PTPN14: variants seen among roughly 807,000 people sequenced by gnomAD.
The protein encoded by PTPN14 is protein tyrosine phosphatase non-receptor type 14.
A neutral mutation model predicts 126.8 loss-of-function variants in PTPN14; 53 were observed. The observed-to-expected ratio is 0.42, with a 90% confidence interval of 0.34 to 0.53. The LOEUF (loss-of-function observed/expected upper bound fraction) is 0.53, where lower values mean the gene tolerates loss of function less well. Among genes scored for constraint, PTPN14 ranks in the 20% least tolerant of loss-of-function variants. The pLI is 0.08. For synonymous variants in PTPN14, 630 were observed against 599.3 expected (o/e 1.05, Z -0.75); for missense variants, 1,257 against 1,552.9 (o/e 0.81, Z 3.20).
chr1:214,503,050 A>T (rs1403985738), intron 1 of PTPN14, among the ~76,000 whole-genome samples: 1 of 152,212 alleles, frequency 6.6e-6, no homozygotes, highest in Non-Finnish European at 1.5e-5. Flanking sequence ...GATAAGATCC[A>T]ATTAAATGAG....
intron 1 of PTPN14, among the ~76,000 whole-genome samples, chr1:214,473,161 G>C (rs1660798449): frequency 6.6e-6 from 1 of 152,072 alleles, no homozygotes; most frequent in Non-Finnish European, 1.5e-5. Context: ...AAATTTCAAA[G>C]TTAAAAACAC....
intron 1 of PTPN14, among the ~76,000 whole-genome samples, chr1:214,522,792 C>A (rs1311655638): frequency 1.3e-5 from 2 of 152,102 alleles, no homozygotes; most frequent in Non-Finnish European, 2.9e-5. Flanking sequence ...AAAAGACAAC[C>A]AATTGTGAAA....
At chr1:214,494,281 C>G (rs1042499679) in intron 1 of PTPN14, among the ~76,000 whole-genome samples, 4 of 152,010 alleles carry the variant, frequency 2.6e-5, no homozygotes, top group Non-Finnish European at 4.4e-5. Flanking sequence ...GATGGTATCT[C>G]TCGATCTCCT....
chr1:214,497,121 G>T (rs1026193690), intron 1 of PTPN14, among the ~76,000 whole-genome samples: 2 of 151,776 alleles, frequency 1.3e-5, no homozygotes, highest in Admixed American at 6.6e-5. Flanking sequence ...GGGCAGCGGT[G>T]GGGGGTCGGG....
chr1:214,445,245 C>T (rs1298105673), intron 3 of PTPN14, among the ~76,000 whole-genome samples: 1 of 152,166 alleles, frequency 6.6e-6, no homozygotes, highest in Non-Finnish European at 1.5e-5. Flanking sequence ...TAGCATCCAC[C>T]AGATAGAGGG....
chr1:214,459,477 T>TTC (rs952014276), intron 2 of PTPN14, among the ~76,000 whole-genome samples: 6 of 147,274 alleles, frequency 4.1e-5, no homozygotes, highest in Non-Finnish European at 1.5e-5. Context: ...TCTTTCTTTT[T>TTC]TTTTTTTTTT....
intron 15 of PTPN14, among the ~76,000 whole-genome samples, chr1:214,373,850 C>T (rs1658279070): frequency 6.6e-6 from 1 of 152,176 alleles, no homozygotes; most frequent in Non-Finnish European, 1.5e-5. Context: ...CTCTTGTCAA[C>T]AGCATATATT....
rs1432584639 is a variant in PTPN14, at chr1:214,383,701, T to C, written c.2154A>G (p.Pro718=). 2.5e-6 allele frequency: 4 copies of C among 1,613,470 alleles called. No individual in the cohort carries two copies. The highest frequency in any genetic ancestry group is 3.4e-6 in the Non-Finnish European group (4 of 1,180,028). ...SESEEEEEEA[P]ESVPQIPMLR... ...GCATGGGGATCTGGGGCACCGATTC[T>C]GGAGCCTCCTCCTCCTCCTCCTCAC... The change falls in exon 13 of 19, where the codon CCA becomes CCG. Residue 718 remains proline, a synonymous_variant. Transcript: ENST00000366956. The surrounding 1 kb of genome is among the most constrained non-coding windows in gnomAD (Gnocchi z 4.4).
chr1:214,451,697 C>G, intron 3 of PTPN14, 108 bp downstream of exon 3: 1 of 1,308,320 alleles, frequency 7.6e-7, no homozygotes, highest in Admixed American at 2.4e-5. Context: ...CACCACACAC[C>G]CGCACCCACA....
chr1:214,485,903 T>C (rs918242511), intron 1 of PTPN14, among the ~76,000 whole-genome samples: 8 of 152,050 alleles, frequency 5.3e-5, no homozygotes, highest in Admixed American at 3.9e-4. Context: ...TTTTTTGTAT[T>C]TTTTAGTAGA....
intron 11 of PTPN14, 87 bp from the exon 12 acceptor site, chr1:214,387,009 C>A (rs974439896): frequency 4.0e-6 from 5 of 1,262,362 alleles, no homozygotes; most frequent in Admixed American, 2.0e-5. Flanking sequence ...ACGGCAGTCC[C>A]GCCACGTTGT....
chr1:214,432,569 C>T (rs1333943109), intron 3 of PTPN14, among the ~76,000 whole-genome samples: 1 of 152,176 alleles, frequency 6.6e-6, no homozygotes, highest in Non-Finnish European at 1.5e-5. Flanking sequence ...ATTCAAATGT[C>T]CTTTGTAGAA....
chr1:214,468,278 G>A (rs1432687044), intron 1 of PTPN14, among the ~76,000 whole-genome samples: 3 of 152,148 alleles, frequency 2.0e-5, no homozygotes, highest in African/African-American at 7.2e-5. Flanking sequence ...ACATACGGCT[G>A]GGTGCGGTGG....
At chr1:214,423,182 T>G (rs1357623881) in intron 3 of PTPN14, among the ~76,000 whole-genome samples, 1 of 151,898 alleles carries the variant, frequency 6.6e-6, no homozygotes, top group African/African-American at 2.4e-5. Context: ...CCAAACTAGC[T>G]GGACGTGATG....
intron 11 of PTPN14, among the ~76,000 whole-genome samples, chr1:214,389,210 G>A (rs1329116598): frequency 6.6e-6 from 1 of 152,158 alleles, no homozygotes; most frequent in African/African-American, 2.4e-5. Flanking sequence ...GGCAAAATTG[G>A]TTTACTGTGT....
At chr1:214,451,213 T>C (rs1572008429) in intron 3 of PTPN14, among the ~76,000 whole-genome samples, 1 of 152,206 alleles carries the variant, frequency 6.6e-6, no homozygotes, top group South Asian at 2.1e-4. Context: ...CAGGCTGGAG[T>C]ACAGTGGCAT....
At chr1:214,551,156 C>T (rs567633481) in intron 1 of PTPN14, 27 bp downstream of exon 1, 3 of 152,432 alleles carry the variant, frequency 2.0e-5, no homozygotes, top group African/African-American at 7.2e-5. Flanking sequence ...AACCTCGGGC[C>T]CAACTCCCGG....
intron 1 of PTPN14, among the ~76,000 whole-genome samples, chr1:214,505,838 G>A (rs1487864723): frequency 6.6e-6 from 1 of 152,216 alleles, no homozygotes; most frequent in Non-Finnish European, 1.5e-5. Flanking sequence ...TGAGGCTGCA[G>A]TAAGTTATGA....
intron 1 of PTPN14, among the ~76,000 whole-genome samples, chr1:214,503,927 C>T (rs1223130916): frequency 1.3e-5 from 2 of 152,206 alleles, no homozygotes; most frequent in Non-Finnish European, 2.9e-5. Flanking sequence ...AATGATGCTT[C>T]TTGGGACTCT....
Sources: allele counts gnomAD v4.1 joint callset (sites outside exome capture counted in the v4.1 genomes callset), GRCh38; gene constraint gnomAD v4.1.1; non-coding constraint Gnocchi (gnomAD v3.1); transcripts MANE v1.5; gene names NCBI Gene and HGNC (gene_info 2026-07-23, HGNC 2026-07-21).